ECPAS: variants seen among roughly 807,000 people sequenced by gnomAD.
ECPAS encodes proteasome adapter and scaffold protein ECM29.
In ECPAS, 70 loss-of-function variants were observed where a neutral mutation model predicts 255.1. The observed-to-expected ratio is 0.27, with a 90% CI of 0.23 to 0.33. The LOEUF is 0.33. ECPAS is among the 10% of genes least tolerant of loss of function. The pLI is 1.00. For synonymous variants in ECPAS, 784 were observed against 775.0 expected (o/e 1.01, Z -0.19); for missense variants, 1,817 against 2,206.4 (o/e 0.82, Z 3.54).
At chr9:111,428,014 C>T (rs761408769) in intron 10 of ECPAS, 28 bp downstream of exon 10, 17 of 1,606,668 alleles carry the variant, frequency 1.1e-5, no homozygotes, top group Non-Finnish European at 8.5e-7. Flanking sequence ...TGCAGACAGG[C>T]CAATATTCTC....
intron 39 of ECPAS, 42 bp downstream of exon 39, chr9:111,373,930 G>C (rs979387618): frequency 7.0e-7 from 1 of 1,437,880 alleles, no homozygotes; most frequent in Non-Finnish European, 9.8e-7. Context: ...CACAAGACAG[G>C]GCTGTGCAAA....
intron 34 of ECPAS, 32 bp downstream of exon 34, chr9:111,384,490 A>G (rs745640712): frequency 6.3e-7 from 1 of 1,598,654 alleles, no homozygotes; most frequent in South Asian, 1.1e-5. Context: ...ACCCTGCTCC[A>G]CTCCATTCCC....
At chr9:111,426,550 GAT>G (rs2098221874) in intron 10 of ECPAS, among the ~76,000 whole-genome samples, 1 of 151,980 alleles carries the variant, frequency 6.6e-6, no homozygotes, top group Admixed American at 6.6e-5. Context: ...AGAGTTAAGA[GAT>G]ACACACATTA....
chr9:111,464,311 C>T (rs957726248), intron 2 of ECPAS, among the ~76,000 whole-genome samples: 1 of 151,398 alleles, frequency 6.6e-6, no homozygotes, highest in African/African-American at 2.4e-5. Context: ...GTGGTATGCA[C>T]CTGTAGTCCC....
At chr9:111,407,638 G>A (rs558679245) in intron 24 of ECPAS, among the ~76,000 whole-genome samples, 1 of 152,086 alleles carries the variant, frequency 6.6e-6, no homozygotes, top group African/African-American at 2.4e-5. Context: ...TCAGCCCTTA[G>A]CCTCAATTAT....
chr9:111,365,355 G>A (rs889112403), intron 48 of ECPAS, among the ~76,000 whole-genome samples: 2 of 151,538 alleles, frequency 1.3e-5, no homozygotes, highest in Non-Finnish European at 2.9e-5. Context: ...TGGAGGGGAG[G>A]GGGAAAAAAT....
intron 19 of ECPAS, 71 bp from the exon 20 acceptor site, chr9:111,414,057 T>G: frequency 9.5e-7 from 1 of 1,050,434 alleles, no homozygotes; most frequent in Non-Finnish European, 1.4e-6. Context: ...CTAAATTCCT[T>G]TAAAGTATAA....
At chr9:111,447,875 T>C (rs977706328) in intron 3 of ECPAS, among the ~76,000 whole-genome samples, 11 of 152,170 alleles carry the variant, frequency 7.2e-5, no homozygotes, top group African/African-American at 2.7e-4. Context: ...AGCATCCCTT[T>C]TCCCTTGTCC....
chr9:111,382,008 A>AAC (rs72204951), intron 35 of ECPAS, among the ~76,000 whole-genome samples: 7,079 of 147,056 alleles, frequency 0.048, 392 homozygotes, highest in African/African-American at 0.14. Flanking sequence ...AATTTTGTAA[A>AAC]ACACACACAC....
intron 24 of ECPAS, among the ~76,000 whole-genome samples, chr9:111,406,070 C>T (rs1279748522): frequency 6.7e-6 from 1 of 149,680 alleles, no homozygotes; most frequent in African/African-American, 2.5e-5. Flanking sequence ...ATTTGTGCTC[C>T]AATGTTTACT....
chr9:111,413,407 C>T (rs1299879935), intron 20 of ECPAS, among the ~76,000 whole-genome samples: 1 of 152,066 alleles, frequency 6.6e-6, no homozygotes, highest in Non-Finnish European at 1.5e-5. Flanking sequence ...TAGTATGCTG[C>T]TTTTGATAAA....
At chr9:111,452,803 G>C (rs2098262062) in intron 2 of ECPAS, among the ~76,000 whole-genome samples, 1 of 152,138 alleles carries the variant, frequency 6.6e-6, no homozygotes, top group Non-Finnish European at 1.5e-5. Context: ...GTAGCAACAA[G>C]CATACCTAAC....
chr9:111,475,012 A>G (rs1392194692), intron 1 of ECPAS, among the ~76,000 whole-genome samples: 2 of 152,256 alleles, frequency 1.3e-5, no homozygotes, highest in Non-Finnish European at 1.5e-5. Context: ...CCTATCTCCA[A>G]GTCTCAGCTC....
chr9:111,478,166 G>A lies in ECPAS; in HGVS notation c.-82-5166C>T, dbSNP rs138694682. ...TCTGACCACCTCGACCTCCCAAAGC[G>A]CTGGGATTACAAACTTGAGTCACCG... On this transcript the variant is annotated intron_variant, in intron 1 of 49. Coordinates refer to ENST00000684092, the MANE Select transcript of ECPAS (RefSeq NM_001364929.1). Among the ~76,000 whole-genome samples the A allele has an allele frequency of 1.7e-4, 25 of 151,484 alleles. No homozygotes were observed. In the East Asian group the frequency reaches 3.3e-3, roughly 20 times the overall value.
intron 35 of ECPAS, 32 bp downstream of exon 35, chr9:111,383,179 C>G: frequency 6.2e-7 from 1 of 1,609,812 alleles, no homozygotes; most frequent in Non-Finnish European, 8.5e-7. Flanking sequence ...CTGAGCAAAT[C>G]CAATACATTC....
At chr9:111,424,256 C>G (rs2098218287) in intron 12 of ECPAS, among the ~76,000 whole-genome samples, 1 of 152,344 alleles carries the variant, frequency 6.6e-6, no homozygotes, top group South Asian at 2.1e-4. Flanking sequence ...TACCTACTAA[C>G]GTGCCTTGAC....
intron 1 of ECPAS, chr9:111,483,724 G>C (rs145734823): frequency 0.038 from 6,097 of 159,758 alleles, 173 homozygotes; most frequent in East Asian, 0.14. Flanking sequence ...GTCGCCCTTC[G>C]CTGCCCCCGC....
At chr9:111,391,078 G>A (rs534537859) in intron 29 of ECPAS, among the ~76,000 whole-genome samples, 1 of 152,284 alleles carries the variant, frequency 6.6e-6, no homozygotes, top group Admixed American at 6.5e-5. Context: ...CCTCAAAGCA[G>A]AACAACTCCG....
chr9:111,427,214 G>C (rs1196682278), intron 10 of ECPAS, among the ~76,000 whole-genome samples: 2 of 150,346 alleles, frequency 1.3e-5, no homozygotes, highest in Non-Finnish European at 3.0e-5. Context: ...GCCAAGACTA[G>C]AGGCAGGAAG....
Sources: allele counts gnomAD v4.1 joint callset (sites outside exome capture counted in the v4.1 genomes callset), GRCh38; gene constraint gnomAD v4.1.1; transcripts MANE v1.5; gene names NCBI Gene and HGNC (gene_info 2026-07-23, HGNC 2026-07-21).